The following TRPM3 variants were observed in gnomAD, a reference collection of about 807,000 sequenced individuals.
TRPM3 encodes the protein long transient receptor potential channel 3.
A neutral mutation model predicts 181.2 loss-of-function variants in TRPM3; 77 were observed. That is an observed-to-expected ratio of 0.42 (90% confidence interval 0.35 to 0.51). The LOEUF is 0.51. Ranked by LOEUF, TRPM3 falls within the 20% of genes least tolerant of loss-of-function variation. The pLI, the probability that TRPM3 is intolerant of heterozygous loss-of-function variation, is 0.01. For missense variants in TRPM3, 1,759 were observed against 2,196.7 expected (o/e 0.80, Z 3.98); for synonymous variants, 745 against 796.4 (o/e 0.94, Z 1.09).
intron 1 of TRPM3, among the ~76,000 whole-genome samples, chr9:70,965,564 A>C (rs753566598): frequency 2.0e-4 from 31 of 152,080 alleles, no homozygotes; most frequent in Non-Finnish European, 4.0e-4. Flanking sequence ...AGTTCTGTTT[A>C]TGTGAGGAAT....
chr9:70,693,786 C>G (rs2069316778), intron 8 of TRPM3, among the ~76,000 whole-genome samples: 3 of 152,240 alleles, frequency 2.0e-5, no homozygotes, highest in African/African-American at 7.2e-5. Flanking sequence ...CCACTTGTTA[C>G]TGGGCCAATC....
At chr9:70,752,608 C>T (rs1167270097) in intron 8 of TRPM3, among the ~76,000 whole-genome samples, 1 of 152,164 alleles carries the variant, frequency 6.6e-6, no homozygotes, top group African/African-American at 2.4e-5. Flanking sequence ...GTGTATGTGA[C>T]AGTGGTGCCA....
chr9:70,960,125 T>C (rs893024279), intron 1 of TRPM3, among the ~76,000 whole-genome samples: 8 of 127,140 alleles, frequency 6.3e-5, no homozygotes, highest in African/African-American at 2.7e-4. Context: ...CTCTCGTTCT[T>C]TTTTTTTTTT....
chr9:70,667,356 C>T (rs577700508), intron 9 of TRPM3, among the ~76,000 whole-genome samples: 20 of 152,174 alleles, frequency 1.3e-4, no homozygotes, highest in Non-Finnish European at 2.5e-4. Flanking sequence ...AGGCTCCTTC[C>T]AGTCTTTTGC....
At chr9:71,249,009 G>T (rs1482485458) in intron 1 of TRPM3, among the ~76,000 whole-genome samples, 2 of 152,050 alleles carry the variant, frequency 1.3e-5, no homozygotes, top group Non-Finnish European at 2.9e-5. Context: ...TAAAGAGCAG[G>T]CAATGAAAAA....
chr9:70,807,501 T>C (rs1018516982), intron 6 of TRPM3, among the ~76,000 whole-genome samples: 1 of 152,204 alleles, frequency 6.6e-6, no homozygotes, highest in Non-Finnish European at 1.5e-5. Context: ...TTTTAGTATC[T>C]AGTCGCTTCT....
At chr9:70,941,427 C>G (rs564094253) in intron 1 of TRPM3, among the ~76,000 whole-genome samples, 1 of 152,216 alleles carries the variant, frequency 6.6e-6, no homozygotes, top group Non-Finnish European at 1.5e-5. Flanking sequence ...GCTGCACTAT[C>G]AGCTTTTCTA....
chr9:70,804,333 A>G (rs1348745406), intron 6 of TRPM3, among the ~76,000 whole-genome samples: 2 of 150,398 alleles, frequency 1.3e-5, no homozygotes, highest in African/African-American at 2.5e-5. Context: ...CAAACAAAGA[A>G]ACAAAACAAA....
intron 9 of TRPM3, among the ~76,000 whole-genome samples, chr9:70,669,625 C>A (rs537019580): frequency 2.5e-4 from 38 of 152,270 alleles, no homozygotes; most frequent in South Asian, 1.9e-3. Context: ...AATAGATGAA[C>A]CTTGAGGGCA....
intron 1 of TRPM3, among the ~76,000 whole-genome samples, chr9:70,872,584 T>C (rs569642427): frequency 6.6e-6 from 1 of 151,956 alleles, no homozygotes; most frequent in Non-Finnish European, 1.5e-5. Flanking sequence ...ATTTTCCTCA[T>C]AGTCCCTCAC....
intron 1 of TRPM3, among the ~76,000 whole-genome samples, chr9:71,287,821 G>A (rs1169808222): frequency 2.0e-5 from 3 of 152,044 alleles, no homozygotes; most frequent in Non-Finnish European, 2.9e-5. Flanking sequence ...TAAGCAATGC[G>A]CCCGATGTCA....
chr9:71,026,208 G>C (rs921999294), intron 1 of TRPM3, among the ~76,000 whole-genome samples: 1 of 152,112 alleles, frequency 6.6e-6, no homozygotes, highest in Non-Finnish European at 1.5e-5. Flanking sequence ...TAGCCCTAGG[G>C]GATCTGTCAG....
chr9:71,400,789 CTT>C (rs553371851), intron 1 of TRPM3, among the ~76,000 whole-genome samples: 27 of 132,920 alleles, frequency 2.0e-4, no homozygotes, highest in African/African-American at 7.0e-4. Context: ...TTTACTAGTT[CTT>C]TTTTTTTTTT....
intron 22 of TRPM3, among the ~76,000 whole-genome samples, chr9:70,576,290 T>C (rs73649175): frequency 0.02 from 2,986 of 152,278 alleles, 94 homozygotes; most frequent in African/African-American, 0.068. Flanking sequence ...CCACTGGTCT[T>C]TGGGTGATTC....
chr9:71,238,608 T>C (rs1046916367), intron 1 of TRPM3, among the ~76,000 whole-genome samples: 4 of 152,236 alleles, frequency 2.6e-5, no homozygotes, highest in Non-Finnish European at 4.4e-5. Flanking sequence ...AATATAAAAT[T>C]TGATGTGATG....
intron 1 of TRPM3, among the ~76,000 whole-genome samples, chr9:71,147,958 G>C (rs960489458): frequency 9.2e-5 from 14 of 151,642 alleles, no homozygotes; most frequent in Admixed American, 9.2e-4. Context: ...TTCAGCTCAA[G>C]AGCCACCTCA....
intron 17 of TRPM3, among the ~76,000 whole-genome samples, chr9:70,616,483 A>C (rs1400540631): frequency 6.7e-6 from 1 of 148,840 alleles, no homozygotes. Flanking sequence ...TTTGACTGTG[A>C]AATCAATTCA....
chr9:71,315,299 C>A (rs1479707975), intron 1 of TRPM3, among the ~76,000 whole-genome samples: 3 of 152,120 alleles, frequency 2.0e-5, no homozygotes, highest in African/African-American at 7.2e-5. Context: ...TACATTCACA[C>A]ATGAACTTTT....
chr9:71,306,497 A>T (rs2132364498), intron 1 of TRPM3, among the ~76,000 whole-genome samples: 1 of 152,292 alleles, frequency 6.6e-6, no homozygotes, highest in East Asian at 1.9e-4. Flanking sequence ...TCTTTTTTAT[A>T]TTAAAAAATC....
Sources: gnomAD v4.1 joint callset for allele counts (sites outside exome capture counted in the v4.1 genomes callset) on GRCh38, gnomAD v4.1.1 for gene constraint, MANE v1.5 for transcripts, NCBI Gene and HGNC (gene_info 2026-07-23, HGNC 2026-07-21) for gene names.